The following PLD1 variants were observed in gnomAD, a reference collection of about 807,000 sequenced individuals.
The protein encoded by PLD1 is choline phosphatase 1.
PLD1 carries 112 observed loss-of-function variants against 137.1 expected under a neutral mutation model. That is an observed-to-expected ratio of 0.82 (90% CI 0.70 to 0.96). The LOEUF is 0.96. Among genes scored for constraint, PLD1 ranks in the 40% least tolerant of loss-of-function variants. PLD1 has a pLI of 0.00. For missense variants in PLD1, 1,321 were observed against 1,342.0 expected, an observed-to-expected ratio of 0.98 and a Z score of 0.24; for synonymous variants, 431 against 454.7, an observed-to-expected ratio of 0.95 and a Z score of 0.66.
At chr3:171,673,772 T>C (rs1713041775) in intron 19 of PLD1, among the ~76,000 whole-genome samples, 1 of 152,240 alleles carries the variant, frequency 6.6e-6, no homozygotes, top group African/African-American at 2.4e-5. Flanking sequence ...AGCAGACTGC[T>C]GGACTTTACT....
In PLD1 at chr3:171,714,065, A is replaced by G. The variant is rs752078149; in HGVS notation, c.759-20T>C. ...AACCATCTGTAAGAAGGTAGTAAGT[A>G]TTTTTAAAAGTTGCATTGAGTAAAT... On this transcript the variant is annotated intron_variant, in intron 8 of 26. Transcript: ENST00000351298. 6.6e-7 allele frequency: 1 copy of G among 1,526,710 alleles called. No homozygotes were observed. Among genetic ancestry groups the G allele is most frequent in the Admixed American group, 1.7e-5 (1 of 57,972 alleles). 94.6% of individuals were successfully genotyped at this position (1,526,710 alleles called of 1,614,324 possible).
At chr3:171,662,211 G>A (rs1578213560) in intron 19 of PLD1, 41 bp from the exon 20 acceptor site, 3 of 1,100,014 alleles carry the variant, frequency 2.7e-6, no homozygotes, top group East Asian at 4.7e-5. Context: ...ATTAGCAATG[G>A]AGAGGACATC....
At chr3:171,663,797 A>G (rs1711793713) in intron 19 of PLD1, among the ~76,000 whole-genome samples, 1 of 152,222 alleles carries the variant, frequency 6.6e-6, no homozygotes, top group African/African-American at 2.4e-5. Context: ...AATGAATATT[A>G]AAACTGTCCC....
chr3:171,663,593 G>A (rs1711755828), intron 19 of PLD1, among the ~76,000 whole-genome samples: 1 of 152,168 alleles, frequency 6.6e-6, no homozygotes. Flanking sequence ...AGCAGACTGT[G>A]GCTGTGCACA....
rs549660737 is a variant in PLD1 at position 171,737,658 on chromosome 3, C to T, written c.162G>A (p.Val54=). 5 of 1,517,522 alleles carry T rather than the reference C, an allele frequency of 3.3e-6. No homozygotes were observed. The South Asian group carries it at 3.6e-5, about 11-fold the overall frequency. The allele number at this position is 1,517,522 out of a possible 1,614,324, so 94.0% of individuals were successfully genotyped here. A position where few individuals can be genotyped will look rare whatever the true frequency, so the allele number is the denominator to read the frequency against. The part of the protein sequence containing the change: ...VSPSDPKIQE[V]YIPFSAIYNT... ...TATAAATAGCAGAGAAAGGGATATA[C>T]ACTAAAAAAAAAAGTAAATAAAGTT... is the stretch of plus-strand genomic sequence containing the variant. Residue 54 remains valine (V), a splice_region_variant and synonymous_variant, in exon 3 of 27, where the codon GTG becomes GTA. Transcript: ENST00000351298.
At chr3:171,635,108 C>T (rs1734998261) in intron 23 of PLD1, among the ~76,000 whole-genome samples, 1 of 152,068 alleles carries the variant, frequency 6.6e-6, no homozygotes, top group Admixed American at 6.6e-5. Context: ...CAGTTCATGC[C>T]TTTTTACATC....
intron 8 of PLD1, among the ~76,000 whole-genome samples, chr3:171,719,557 A>G (rs1717937166): frequency 1.3e-5 from 2 of 152,256 alleles, no homozygotes; most frequent in Non-Finnish European, 2.9e-5. Flanking sequence ...AATTATTGGC[A>G]CAGCTCATAG....
chr3:171,668,540 T>C (rs1712399518), intron 19 of PLD1, among the ~76,000 whole-genome samples: 1 of 152,198 alleles, frequency 6.6e-6, no homozygotes, highest in African/African-American at 2.4e-5. Context: ...TTTCTTTTTT[T>C]TTCCTTCCTC....
intron 14 of PLD1, among the ~76,000 whole-genome samples, chr3:171,687,969 G>A (rs1243652878): frequency 6.6e-6 from 1 of 152,088 alleles, no homozygotes; most frequent in East Asian, 1.9e-4. Context: ...GCACTAAATT[G>A]CTATTTTTGC....
chr3:171,808,390 A>G (rs528534027), intron 1 of PLD1, among the ~76,000 whole-genome samples: 72 of 151,990 alleles, frequency 4.7e-4, no homozygotes, highest in African/African-American at 1.5e-3. Context: ...CAAAAAATCA[A>G]CCGGGCGTGG....
intron 25 of PLD1, among the ~76,000 whole-genome samples, chr3:171,605,927 C>T (rs1337004733): frequency 6.6e-6 from 1 of 152,150 alleles, no homozygotes; most frequent in Non-Finnish European, 1.5e-5. Flanking sequence ...CCTTGTAAGG[C>T]TTTGGTTTTT....
chr3:171,771,324 G>A (rs1408089653), intron 1 of PLD1: 3 of 152,236 alleles, frequency 2.0e-5, no homozygotes, highest in Non-Finnish European at 4.4e-5. Flanking sequence ...CAAATAAACG[G>A]GCAAAGCCTT....
chr3:171,608,301 C>A (rs1732372677), intron 25 of PLD1, among the ~76,000 whole-genome samples: 1 of 151,992 alleles, frequency 6.6e-6, no homozygotes, highest in African/African-American at 2.4e-5. Context: ...AAGTCCATAC[C>A]TTGTTCTTCA....
intron 18 of PLD1, among the ~76,000 whole-genome samples, chr3:171,675,770 C>T (rs4600841): frequency 1 from 151,937 of 152,212 alleles, 75,832 homozygotes; most frequent in South Asian, 1. Context: ...TTTTTCCAAA[C>T]GACCAAGGGG....
chr3:171,735,673 T>C, intron 3 of PLD1, 36 bp from the exon 4 acceptor site: 2 of 1,277,930 alleles, frequency 1.6e-6, no homozygotes, highest in Non-Finnish European at 2.3e-6. Context: ...ATATTTTAGA[T>C]AACAACAAAA....
At chr3:171,709,441 C>T (rs987988733) in intron 10 of PLD1, 119 bp downstream of exon 10, 2 of 717,844 alleles carry the variant, frequency 2.8e-6, no homozygotes, top group Admixed American at 2.9e-5. Flanking sequence ...AAGAGAAGCC[C>T]TTGTTAAGTA....
At chr3:171,801,751 G>A (rs866620168) in intron 1 of PLD1, among the ~76,000 whole-genome samples, 3 of 152,226 alleles carry the variant, frequency 2.0e-5, no homozygotes, top group Middle Eastern at 3.4e-3. Flanking sequence ...TTCTTACAAA[G>A]TGATACACAT....
At chr3:171,625,302 G>A (rs1225004265) in intron 23 of PLD1, among the ~76,000 whole-genome samples, 1 of 152,252 alleles carries the variant, frequency 6.6e-6, no homozygotes, top group Non-Finnish European at 1.5e-5. Flanking sequence ...GGCTGGGGGA[G>A]GGGCGCCTGC....
At chr3:171,730,712 C>A (rs9810450) in intron 6 of PLD1, among the ~76,000 whole-genome samples, 5 of 150,146 alleles carry the variant, frequency 3.3e-5, no homozygotes, top group African/African-American at 1.2e-4. Flanking sequence ...AACTGTGGCT[C>A]GCTGCAACCT....
Sources: gnomAD v4.1 joint callset for allele counts (sites outside exome capture counted in the v4.1 genomes callset) on GRCh38, gnomAD v4.1.1 for gene constraint, MANE v1.5 for transcripts, NCBI Gene and HGNC (gene_info 2026-07-23, HGNC 2026-07-21) for gene names.